ZNF99: variants seen among roughly 807,000 people sequenced by gnomAD.
The protein encoded by ZNF99 is zinc finger protein 99.
A neutral mutation model predicts 12.8 loss-of-function variants in ZNF99; 8 were observed. That is an observed-to-expected ratio of 0.62 (90% CI 0.37 to 1.13). ZNF99 has a LOEUF of 1.13. Among genes scored for constraint, ZNF99 ranks in the 50% most tolerant of loss-of-function variants. ZNF99 has a pLI of 0.02. For synonymous variants in ZNF99, 318 were observed against 319.0 expected (o/e 1.00, Z 0.03); for missense variants, 1,007 against 1,006.2 (o/e 1.00, Z -0.01).
chr19:22,773,195 C>G (rs1973291447), intron 1 of ZNF99, among the ~76,000 whole-genome samples: 1 of 152,140 alleles, frequency 6.6e-6, no homozygotes, highest in Non-Finnish European at 1.5e-5. Context: ...TGAATGATAG[C>G]CTGAGAGGGA....
intron 1 of ZNF99, chr19:22,771,232 T>C (rs1385430272): frequency 1.4e-5 from 2 of 145,052 alleles, no homozygotes; most frequent in East Asian, 2.1e-4. Flanking sequence ...CAACTTGCCT[T>C]TAAAAAGCAT....
At chr19:22,778,245 A>T (rs1316748972) in intron 1 of ZNF99, among the ~76,000 whole-genome samples, 1 of 152,070 alleles carries the variant, frequency 6.6e-6, no homozygotes, top group Non-Finnish European at 1.5e-5. Flanking sequence ...CTGAAATCAC[A>T]GGGTAATGGG....
chr19:22,768,273 T>G (rs998569815), intron 3 of ZNF99, 32 bp downstream of exon 3: 7 of 1,610,318 alleles, frequency 4.3e-6, no homozygotes, highest in Non-Finnish European at 5.1e-6. Context: ...GACCTCTTAT[T>G]TGTGTTGTTT....
At chr19:22,779,005 C>T (rs1465567514) in intron 1 of ZNF99, among the ~76,000 whole-genome samples, 1 of 138,170 alleles carries the variant, frequency 7.2e-6, no homozygotes, top group Non-Finnish European at 1.6e-5. Flanking sequence ...AAAACTCTAT[C>T]TCAAAAAAAA....
In ZNF99 at chr19:22,758,032, C is replaced by T. The variant is rs545985399; in HGVS notation, c.1877G>A (p.Cys626Tyr). The change falls in exon 4 of 4, where the codon TGT becomes TAT. Residue 626 changes from cysteine to tyrosine, a missense_variant. Coordinates refer to ENST00000596209, the MANE Select transcript of ZNF99 (RefSeq NM_001080409.3). ...TGAGGACTGGCTAAAAGCTTTGCCA[C>T]ATTCTTCACATTTGTAGGGTTTCTT... Reference protein sequence around the residue: ...TGKKPYKCEECGKAFSQSSTL... With the variant: ...TGKKPYKCEEYGKAFSQSSTL... 5.0e-6 allele frequency: 8 copies of T among 1,610,244 alleles called. No homozygotes were observed. In the African/African-American group the frequency reaches 8.0e-5, roughly 16 times the overall value.
intron 1 of ZNF99, among the ~76,000 whole-genome samples, chr19:22,778,401 C>T (rs1394883742): frequency 1.3e-5 from 2 of 152,156 alleles, no homozygotes; most frequent in African/African-American, 2.4e-5. Flanking sequence ...CCCACACCAA[C>T]TCACTGTCTG....
At chr19:22,774,001 A>G (rs1467936786) in intron 1 of ZNF99, 1 of 153,510 alleles carries the variant, frequency 6.5e-6, no homozygotes, top group Non-Finnish European at 1.5e-5. Context: ...GATTTCCAAC[A>G]TGAGTCCAGA....
In ZNF99 at chr19:22,756,351, C is replaced by T; in HGVS notation, c.*963G>A. The T allele has an allele frequency of 6.3e-7, 1 of 1,596,468 alleles. No homozygotes were observed. Among genetic ancestry groups the T allele is most frequent in the Non-Finnish European group, 8.5e-7 (1 of 1,174,218 alleles). ...GTAAGGTGTGAGGACTGGTTAAAGG[C>T]TTTGCCACATTCTTCACATTTGTAG... On this transcript the variant is annotated 3_prime_UTR_variant, in exon 4 of 4. Transcript: ENST00000596209.
At chr19:22,779,774 T>A (rs1310509105) in intron 1 of ZNF99, among the ~76,000 whole-genome samples, 1 of 152,154 alleles carries the variant, frequency 6.6e-6, no homozygotes, top group African/African-American at 2.4e-5. Flanking sequence ...TCCGACCTCC[T>A]CTCTAATATG....
At chr19:22,783,251 G>A (rs889463307) in intron 1 of ZNF99, among the ~76,000 whole-genome samples, 2 of 152,042 alleles carry the variant, frequency 1.3e-5, no homozygotes, top group African/African-American at 4.8e-5. Flanking sequence ...CTGCACTCCA[G>A]CCTGGGCAAC....
At chr19:22,760,972 G>A (rs1463340282) in intron 3 of ZNF99, among the ~76,000 whole-genome samples, 1 of 151,062 alleles carries the variant, frequency 6.6e-6, no homozygotes. Context: ...CAAGACAATT[G>A]GTTTCAGATT....
chr19:22,769,783 GA>G (rs1973246042), intron 1 of ZNF99: 1 of 1,073,498 alleles, frequency 9.3e-7, no homozygotes, highest in Non-Finnish European at 1.2e-6. Context: ...ATAAAGAAAA[GA>G]AAAAAAGAAA....
chr19:22,768,633 T>G (rs1973230811), intron 2 of ZNF99, among the ~76,000 whole-genome samples: 1 of 152,152 alleles, frequency 6.6e-6, no homozygotes, highest in Admixed American at 6.6e-5. Context: ...GTGTGGCAAC[T>G]ACATTTTATG....
chr19:22,778,379 C>A (rs1343044647), intron 1 of ZNF99, among the ~76,000 whole-genome samples: 2 of 152,042 alleles, frequency 1.3e-5, no homozygotes. Flanking sequence ...TTGCTAAACA[C>A]CAAGCAATTC....
At position 22,759,444 on chromosome 19, in the gene ZNF99, A is replaced by T. The variant is rs1237259711; in HGVS notation, c.465T>A (p.His155Gln). 1.3e-6 allele frequency: 2 copies of T among 1,597,134 alleles called. No individual in the cohort carries two copies. The highest frequency in any genetic ancestry group is 1.7e-6 in the Non-Finnish European group (2 of 1,172,048). ...TATATCTATTTGAATTTGAATATTT[A>T]TGAAAGACTTTCACATATTTGTTAC... ...FQCNKYVKVF[H>Q]KYSNSNRYKI... The change falls in exon 4 of 4, where the codon CAT becomes CAA. Residue 155 changes from histidine (H) to glutamine (Q), a missense_variant. Coordinates refer to ENST00000596209, the MANE Select transcript of ZNF99 (RefSeq NM_001080409.3).
At position 22,758,115 on chromosome 19, in the gene ZNF99, A is replaced by G; in HGVS notation, c.1794T>C (p.Cys598=). ...CTGAGAAGTGGTTAAAAGCTTTGCC[A>G]CATTCTTCACATTTGTAGGGTTTCT... ...TGEKPYKCEE[C]GKAFNHFSAL... The change falls in exon 4 of 4, where the codon TGT becomes TGC. Residue 598 remains cysteine, a synonymous_variant. Transcript: ENST00000596209. The G allele has an allele frequency of 6.2e-7, 1 of 1,611,830 alleles. No homozygotes were observed. Among genetic ancestry groups the G allele is most frequent in the Non-Finnish European group, 8.5e-7 (1 of 1,178,404 alleles).
In ZNF99 at chr19:22,754,751, C is replaced by T. The variant is rs1973023694; in HGVS notation, c.*2563G>A. On this transcript the variant is annotated 3_prime_UTR_variant, in exon 4 of 4. Transcript: ENST00000596209. ...CATTCTTCACGTTTGTAGGGTTTCT[C>T]TTCAGTATAAATTGTTTATTAAGAA... 1 of 250,666 alleles carries T rather than the reference C, an allele frequency of 4.0e-6. No individual in the cohort carries two copies. Among genetic ancestry groups the T allele is most frequent in the Non-Finnish European group, 8.0e-6 (1 of 125,652 alleles). The allele number at this position is 250,666 out of a possible 1,614,324, so 15.5% of individuals were successfully genotyped here. A position where few individuals can be genotyped will look rare whatever the true frequency, so the allele number is the denominator to read the frequency against.
Position 22,755,073 on chromosome 19 carries a change from C to CAAA in ZNF99, c.*2238_*2240dup, listed in dbSNP as rs34161305. The CAAA allele has an allele frequency of 1.6e-3, 230 of 146,860 alleles. No homozygotes were observed. The highest frequency in any genetic ancestry group is 4.5e-3 in the South Asian group (25 of 5,548). The allele number at this position is 146,860 out of a possible 1,614,324, so 9.1% of individuals were successfully genotyped here. ...GGGCAACTAGGGCGAAACTCTGTTT[C>CAAA]AAAAAAAAAAAAAAAAAAATTGAAG... On this transcript the variant is annotated 3_prime_UTR_variant, in exon 4 of 4. Transcript: ENST00000596209.
intron 1 of ZNF99, among the ~76,000 whole-genome samples, chr19:22,780,803 G>C (rs1281141930): frequency 6.6e-6 from 1 of 150,782 alleles, no homozygotes; most frequent in Non-Finnish European, 1.5e-5. Flanking sequence ...ATACAGAATA[G>C]AGATAGTCAC....
Sources: gnomAD v4.1 joint callset for allele counts (sites outside exome capture counted in the v4.1 genomes callset) on GRCh38, gnomAD v4.1.1 for gene constraint, MANE v1.5 for transcripts, NCBI Gene and HGNC (gene_info 2026-07-23, HGNC 2026-07-21) for gene names.